NUP107: variants seen among roughly 807,000 people sequenced by gnomAD.
The protein encoded by NUP107 is nucleoporin 107.
A neutral mutation model predicts 141.0 loss-of-function variants in NUP107; 101 were observed. That is an observed-to-expected ratio of 0.72 (90% CI 0.61 to 0.84). The LOEUF (loss-of-function observed/expected upper bound fraction) is 0.84. Among genes scored for constraint, NUP107 ranks in the 40% least tolerant of loss-of-function variants. The pLI, the probability that NUP107 is intolerant of heterozygous loss-of-function variation, is 0.00. For missense variants in NUP107, 941 were observed against 1,102.7 expected (o/e 0.85, Z 2.08); for synonymous variants, 319 against 363.9 (o/e 0.88, Z 1.41).
At chr12:68,697,756 G>A (rs1375222662) in intron 6 of NUP107, among the ~76,000 whole-genome samples, 1 of 152,120 alleles carries the variant, frequency 6.6e-6, no homozygotes, top group East Asian at 1.9e-4. Context: ...TTGGCCAGAC[G>A]TGGTGACTCA....
chr12:68,722,138 G>A lies in NUP107; in HGVS notation c.1492G>A (p.Ala498Thr). The A allele has an allele frequency of 6.2e-7, 1 of 1,613,436 alleles. No individual in the cohort carries two copies. The highest frequency in any genetic ancestry group is 8.5e-7 in the Non-Finnish European group (1 of 1,179,738). The change falls in exon 17 of 28, where the codon GCT becomes ACT. Residue 498 changes from alanine (A) to threonine (T), a missense_variant. Transcript: ENST00000229179. Reference sequence around the variant, plus strand: ...AGAAAAGGTTTTTGAGGAACTTCAAGCTACTGACAAAAAGGTAAATGTTAA... The same window carrying A: ...AGAAAAGGTTTTTGAGGAACTTCAAACTACTGACAAAAAGGTAAATGTTAA... ...TLEKVFEELQ[A>T]TDKKRVLEEN...
chr12:68,723,387 G>A (rs1316777199), intron 17 of NUP107, among the ~76,000 whole-genome samples: 4 of 152,124 alleles, frequency 2.6e-5, no homozygotes, highest in Non-Finnish European at 5.9e-5. Flanking sequence ...GGGCAACAGA[G>A]CAAGGCCCTG....
At chr12:68,727,263 A>G in intron 19 of NUP107, 88 bp from the exon 20 acceptor site, 1 of 679,028 alleles carries the variant, frequency 1.5e-6, no homozygotes, top group South Asian at 2.0e-5. Flanking sequence ...ACAATTATTA[A>G]ATTATTTAAT....
chr12:68,716,190 C>A (rs1376790379), intron 12 of NUP107, among the ~76,000 whole-genome samples: 2 of 151,170 alleles, frequency 1.3e-5, no homozygotes, highest in African/African-American at 4.9e-5. Flanking sequence ...CTGCACCTGG[C>A]CCAATCTCCA....
chr12:68,732,541 G>C (rs1208309741), intron 22 of NUP107, 96 bp from the exon 23 acceptor site: 1 of 572,330 alleles, frequency 1.7e-6, no homozygotes, highest in African/African-American at 1.9e-5. Context: ...ATGTTTACTG[G>C]AAGTACAGGT....
At chr12:68,723,137 G>A (rs1263867760) in intron 17 of NUP107, among the ~76,000 whole-genome samples, 3 of 152,138 alleles carry the variant, frequency 2.0e-5, no homozygotes, top group Non-Finnish European at 4.4e-5. Context: ...CACTTGGGAG[G>A]CCAAGATGGG....
intron 7 of NUP107, 33 bp downstream of exon 7, chr12:68,700,886 A>G: frequency 6.6e-7 from 1 of 1,522,680 alleles, no homozygotes; most frequent in Non-Finnish European, 8.8e-7. Flanking sequence ...AGTGAAATAA[A>G]CATAAGGTAA....
At chr12:68,712,224 T>G (rs1876888325) in intron 10 of NUP107, among the ~76,000 whole-genome samples, 1 of 152,094 alleles carries the variant, frequency 6.6e-6, no homozygotes, top group Non-Finnish European at 1.5e-5. Flanking sequence ...GGCTCACACC[T>G]GTAATCCTAG....
chr12:68,721,915 A>G lies in NUP107; in HGVS notation c.1386A>G (p.Glu462=). ...GGGTGATGGTGGACAGTCTGGTAGA[A>G]CAGGAGATCCAGACATCAGTAGCAA... The part of the protein sequence containing the change: ...YFRVMVDSLV[E]QEIQTSVATL... Residue 462 remains glutamate, a synonymous_variant, in exon 16 of 28, where the codon GAA becomes GAG. Coordinates refer to ENST00000229179, the MANE Select transcript of NUP107 (RefSeq NM_020401.4). 2 of 1,614,074 alleles carry G rather than the reference A, an allele frequency of 1.2e-6. No individual in the cohort carries two copies. The highest frequency in any genetic ancestry group is 1.7e-6 in the Non-Finnish European group (2 of 1,179,908).
chr12:68,706,077 GCTGGCAGCTGTACACT>G, intron 8 of NUP107: 1 of 780,976 alleles, frequency 1.3e-6, no homozygotes, highest in East Asian at 2.4e-5. Context: ...ACAAACTTCT[GCTGGCAGCTGTACACT>G]CTGGGCCAAG....
At chr12:68,707,594 G>T (rs1876651890) in intron 8 of NUP107, among the ~76,000 whole-genome samples, 1 of 152,100 alleles carries the variant, frequency 6.6e-6, no homozygotes, top group African/African-American at 2.4e-5. Flanking sequence ...GCGAGACCCT[G>T]TCTCAAATAA....
chr12:68,731,592 C>CA lies in NUP107; in HGVS notation c.1886-9dup. 2 of 1,481,034 alleles carry CA rather than the reference C, an allele frequency of 1.4e-6. No individual in the cohort carries two copies. The highest frequency in any genetic ancestry group is 1.3e-5 in the South Asian group (1 of 75,800). The allele number at this position is 1,481,034 out of a possible 1,614,324, so 91.7% of individuals were successfully genotyped here. On this transcript the variant is annotated splice_polypyrimidine_tract_variant and intron_variant, in intron 21 of 27. Transcript: ENST00000229179. ...GATTAATCTTTGTTTTTTGTCGCTTCAAAAAATTATTTAGATTTGGATGTT... is the reference window on the plus strand; with the variant it reads ...GATTAATCTTTGTTTTTTGTCGCTTCAAAAAAATTATTTAGATTTGGATGTT...
In NUP107 at chr12:68,706,070, A is replaced by G. The variant is rs1364956638; in HGVS notation, c.730-3168A>G. The G allele has an allele frequency of 1.0e-5, 8 of 787,276 alleles. No homozygotes were observed. In the South Asian group the frequency reaches 1.1e-4, roughly 11 times the overall value. 48.8% of individuals were successfully genotyped at this position (787,276 alleles called of 1,614,324 possible). ...AACATGTTCGAGAGCTACATCAACA[A>G]ACTTCTGCTGGCAGCTGTACACTCT... On this transcript the variant is annotated intron_variant, in intron 8 of 27. Coordinates refer to ENST00000229179, the MANE Select transcript of NUP107 (RefSeq NM_020401.4).
chr12:68,716,959 G>A (rs572650100), intron 12 of NUP107, among the ~76,000 whole-genome samples: 6 of 151,672 alleles, frequency 4.0e-5, no homozygotes, highest in South Asian at 2.1e-4. Context: ...GTGCAGTGGC[G>A]CGATCTCGGC....
At chr12:68,687,983 G>A (rs1014050266) in intron 1 of NUP107, among the ~76,000 whole-genome samples, 14 of 152,114 alleles carry the variant, frequency 9.2e-5, no homozygotes, top group Non-Finnish European at 2.1e-4. Flanking sequence ...GCTCAAGGGG[G>A]CAAATGTAGG....
At chr12:68,732,772 T>G in intron 23 of NUP107, 33 bp downstream of exon 23, 1 of 1,371,726 alleles carries the variant, frequency 7.3e-7, no homozygotes, top group Non-Finnish European at 1.0e-6. Context: ...TTCAAACTCC[T>G]GGGCTCCATT....
Position 68,733,445 on chromosome 12 carries a change from T to C in NUP107, c.2102-7T>C, listed in dbSNP as rs537597577. Reference sequence around the variant, plus strand: ...AGGCATTCAAAATTGTGTATCTTTTTTCACAGCATCAAAAAAGCACGAAGC... The same window carrying C: ...AGGCATTCAAAATTGTGTATCTTTTCTCACAGCATCAAAAAAGCACGAAGC... On this transcript the variant is annotated splice_polypyrimidine_tract_variant and splice_region_variant and intron_variant, in intron 23 of 27. Transcript: ENST00000229179. The C allele has an allele frequency of 2.5e-6, 4 of 1,606,400 alleles. No homozygotes were observed. In the African/African-American group the frequency reaches 4.0e-5, roughly 16 times the overall value.
Position 68,713,603 on chromosome 12 carries a change from T to C in NUP107, c.891-127T>C, listed in dbSNP as rs1876971247. ...TCTGAGCTAAAATGTACTTCTGTAT[T>C]AAGGATTTTTGCATGTTTTTACTGG... On this transcript the variant is annotated intron_variant, in intron 10 of 27. Transcript: ENST00000229179. The C allele has an allele frequency of 1.6e-5, 11 of 689,688 alleles. No homozygotes were observed. The South Asian group carries it at 1.9e-4, about 12-fold the overall frequency. The allele number at this position is 689,688 out of a possible 1,614,324, so 42.7% of individuals were successfully genotyped here.
Position 68,706,170 on chromosome 12 carries a change from A to G in NUP107, c.730-3068A>G, listed in dbSNP as rs17126545. The G allele has an allele frequency of 6.5e-3, 4,977 of 767,016 alleles. 179 individuals are homozygous for G. The African/African-American group carries it at 0.074, about 11-fold the overall frequency. 47.5% of individuals were successfully genotyped at this position (767,016 alleles called of 1,614,324 possible). A position where few individuals can be genotyped will look rare whatever the true frequency, so the allele number is the denominator to read the frequency against. The stretch of plus-strand genomic sequence containing the variant: ...CTGGTGGAGGACTTCAAGAACAAGT[A>G]CGAGGATGATATCAAAAAGCATACA... On this transcript the variant is annotated intron_variant, in intron 8 of 27. Coordinates refer to ENST00000229179, the MANE Select transcript of NUP107 (RefSeq NM_020401.4).
Sources: allele counts gnomAD v4.1 joint callset (sites outside exome capture counted in the v4.1 genomes callset), GRCh38; gene constraint gnomAD v4.1.1; transcripts MANE v1.5; gene names NCBI Gene and HGNC (gene_info 2026-07-23, HGNC 2026-07-21).